HSPA12B: variants seen among roughly 807,000 people sequenced by gnomAD.
HSPA12B encodes heat shock protein family A (Hsp70) member 12B, also known as heat shock 70 kDa protein 12B.
HSPA12B carries 54 observed loss-of-function variants against 69.3 expected under a neutral mutation model. The ratio of observed to expected loss-of-function variants is 0.78; its 90% CI spans 0.63 to 0.98. The LOEUF is 0.98. Among genes scored for constraint, HSPA12B ranks in the 50% least tolerant of loss-of-function variants. HSPA12B has a pLI of 0.00. For synonymous variants in HSPA12B, 441 were observed against 436.5 expected (o/e 1.01, Z -0.13); for missense variants, 929 against 999.8 (o/e 0.93, Z 0.96).
rs1035253073 is a variant in HSPA12B at position 3,732,796 on chromosome 20, T to A, written c.-18+2T>A. 6.7e-6 allele frequency: 1 copy of A among 149,024 alleles called. No individual in the cohort carries two copies. The highest frequency in any genetic ancestry group is 2.5e-5 in the African/African-American group (1 of 40,312). 9.2% of individuals were successfully genotyped at this position (149,024 alleles called of 1,614,324 possible). ...GCTGGAGCTGTCGGGAGGGCGGAGG[T>A]GAGTTCTGGGGCGGGGGCTGCCGGG... On this transcript the variant is annotated splice_donor_variant, in intron 1 of 12. Transcript: ENST00000254963. LOFTEE classifies it low-confidence loss of function (5UTR_SPLICE).
chr20:3,746,956 AT>A (rs1461434053), intron 7 of HSPA12B, among the ~76,000 whole-genome samples: 1 of 152,196 alleles, frequency 6.6e-6, no homozygotes, highest in Non-Finnish European at 1.5e-5. Context: ...CACCCAGAAC[AT>A]TCACTTCACT....
At position 3,750,652 on chromosome 20, in the gene HSPA12B, C is replaced by G; in HGVS notation, c.1302-152C>G. On this transcript the variant is annotated intron_variant, in intron 11 of 12. Coordinates refer to ENST00000254963, the MANE Select transcript of HSPA12B (RefSeq NM_052970.5). ...TAGGGTGGAGATAAGGGACTAACAT[C>G]CCGCAGGTCCAGTCCTCCAGACACC... 13 of 1,522,118 alleles carry G rather than the reference C, an allele frequency of 8.5e-6. No homozygotes were observed. The South Asian group carries it at 1.5e-4, about 18-fold the overall frequency. The allele number at this position is 1,522,118 out of a possible 1,614,324, so 94.3% of individuals were successfully genotyped here. A position where few individuals can be genotyped will look rare whatever the true frequency, so the allele number is the denominator to read the frequency against.
At chr20:3,743,353 A>T (rs1396896913) in intron 4 of HSPA12B, among the ~76,000 whole-genome samples, 3 of 20,646 alleles carry the variant, frequency 1.5e-4, no homozygotes, top group African/African-American at 8.7e-4. Context: ...TGGCTAATTT[A>T]AAAAAAAAAA....
rs1404995502 is a variant in HSPA12B, at chr20:3,744,229, G to A, written c.267-673G>A. 6.6e-6 allele frequency among the ~76,000 whole-genome samples: 1 copy of A among 152,194 alleles called. No homozygotes were observed. The highest frequency in any genetic ancestry group is 2.4e-5 in the African/African-American group (1 of 41,448). On this transcript the variant is annotated intron_variant, in intron 4 of 12. Coordinates refer to ENST00000254963, the MANE Select transcript of HSPA12B (RefSeq NM_052970.5). The surrounding 1 kb of genome is among the most constrained non-coding windows in gnomAD (Gnocchi z 4.9). ...ACTGCTCCCAAAATACATGGGACTT[G>A]AGCTTCATGAGACTGGACTGTCCTT...
rs920919237 is a variant in HSPA12B, at chr20:3,749,390, ATGTT to A, written c.937+75_937+78del. On this transcript the variant is annotated intron_variant, in intron 9 of 12. Coordinates refer to ENST00000254963, the MANE Select transcript of HSPA12B (RefSeq NM_052970.5). The surrounding 1 kb of genome is among the most constrained non-coding windows in gnomAD (Gnocchi z 5.5). ...ACCATATACTGATGGGGGGAAGGGCATGTTTGCAAAGCCCGTCTCTTCCTCCTCC... is the reference window on the plus strand; with the variant it reads ...ACCATATACTGATGGGGGGAAGGGCATGCAAAGCCCGTCTCTTCCTCCTCC... The A allele has an allele frequency of 6.7e-6, 9 of 1,351,108 alleles. No homozygotes were observed. In the African/African-American group the frequency reaches 8.6e-5, roughly 13 times the overall value. 83.7% of individuals were successfully genotyped at this position (1,351,108 alleles called of 1,614,324 possible).
chr20:3,735,610 C>A (rs1190950243), intron 1 of HSPA12B, among the ~76,000 whole-genome samples: 1 of 151,930 alleles, frequency 6.6e-6, no homozygotes, highest in Non-Finnish European at 1.5e-5. Context: ...GAATTACAGG[C>A]GTCTGCCACT....
At chr20:3,738,491 A>G (rs2088142517) in intron 1 of HSPA12B, among the ~76,000 whole-genome samples, 167 bp from the exon 2 acceptor site, 2 of 152,240 alleles carry the variant, frequency 1.3e-5, no homozygotes, top group African/African-American at 4.8e-5. Flanking sequence ...AAACGTCTTT[A>G]TCTGTTGGAG....
At chr20:3,746,502 T>C (rs866798048) in intron 7 of HSPA12B, among the ~76,000 whole-genome samples, 25 of 151,688 alleles carry the variant, frequency 1.6e-4, no homozygotes, top group South Asian at 6.2e-4. Flanking sequence ...CGGGGTTTCA[T>C]CGTGTTAGCC....
At chr20:3,741,131 C>T (rs2088194455) in intron 3 of HSPA12B, among the ~76,000 whole-genome samples, 1 of 152,050 alleles carries the variant, frequency 6.6e-6, no homozygotes, top group South Asian at 2.1e-4. Flanking sequence ...GAAGGCGAGC[C>T]CCATGTAACT....
intron 11 of HSPA12B, chr20:3,750,509 C>A (rs796840038): frequency 3.9e-6 from 1 of 256,114 alleles, no homozygotes; most frequent in African/African-American, 2.3e-5. Context: ...TACACCCCCA[C>A]CCCGGGCCCT....
Position 3,745,524 on chromosome 20 carries a change from T to A in HSPA12B, c.485T>A (p.Val162Glu). ...DLTLKTQLEA[V>E]NGKTMPALEV... The stretch of plus-strand genomic sequence containing the variant: ...ACCTTGAAGACCCAGCTAGAGGCAG[T>A]AAATGGAAAGACGATGCCCGCCCTG... Residue 162 changes from valine to glutamate, a missense_variant, in exon 6 of 13, where the codon GTA (valine) becomes GAA (glutamate). Around this residue, in one of 3 missense-constraint regions of HSPA12B, gnomAD observed 477 missense variants for 535.2 expected, o/e 0.89. Coordinates refer to ENST00000254963, the MANE Select transcript of HSPA12B (RefSeq NM_052970.5). The surrounding 1 kb of genome is among the most constrained non-coding windows in gnomAD (Gnocchi z 5.6). 1 of 1,614,148 alleles carries A rather than the reference T, an allele frequency of 6.2e-7. No homozygotes were observed. The highest frequency in any genetic ancestry group is 8.5e-7 in the Non-Finnish European group (1 of 1,180,016).
intron 12 of HSPA12B, 22 bp downstream of exon 12, chr20:3,750,929 C>T (rs2146592503): frequency 6.3e-7 from 1 of 1,593,916 alleles, no homozygotes; most frequent in South Asian, 1.1e-5. Context: ...AGCTTGGTCC[C>T]CCACCCGCCC....
chr20:3,746,350 T>G (rs1314635980), intron 7 of HSPA12B, among the ~76,000 whole-genome samples: 1 of 121,884 alleles, frequency 8.2e-6, no homozygotes, highest in Admixed American at 1.1e-4. Context: ...TCGCCCAGGC[T>G]GGAGCGCAGT....
intron 1 of HSPA12B, among the ~76,000 whole-genome samples, 192 bp from the exon 2 acceptor site, chr20:3,738,466 C>G (rs1010069274): frequency 6.6e-6 from 1 of 152,136 alleles, no homozygotes; most frequent in Non-Finnish European, 1.5e-5. Flanking sequence ...AATGGTGTTG[C>G]GATGACATTG....
Position 3,750,790 on chromosome 20 carries a change from T to A in HSPA12B, c.1302-14T>A, listed in dbSNP as rs1372693754. ...CCCTGACCGATGGATATTTGCCCCT[T>A]TCACCACCAACAGCGTGAACTTCGT... On this transcript the variant is annotated splice_polypyrimidine_tract_variant and intron_variant, in intron 11 of 12. Coordinates refer to ENST00000254963, the MANE Select transcript of HSPA12B (RefSeq NM_052970.5). The A allele has an allele frequency of 6.2e-7, 1 of 1,613,566 alleles. No individual in the cohort carries two copies. Among genetic ancestry groups the A allele is most frequent in the African/African-American group, 1.3e-5 (1 of 74,934 alleles).
At position 3,740,968 on chromosome 20, in the gene HSPA12B, G is replaced by A. The variant is rs878941909; in HGVS notation, c.141+56G>A. The A allele has an allele frequency of 6.2e-6, 9 of 1,457,380 alleles. No individual in the cohort carries two copies. The highest frequency in any genetic ancestry group is 2.3e-5 in the East Asian group (1 of 43,544). 90.3% of individuals were successfully genotyped at this position (1,457,380 alleles called of 1,614,324 possible). On this transcript the variant is annotated intron_variant, in intron 3 of 12. Transcript: ENST00000254963. This position sits in a 1 kb window ranked among gnomAD's most constrained non-coding sequence, Gnocchi z 4.9. ...TGACCTGGCTGGTGTGGACAGGGTC[G>A]TGCGTGGCAAAGTCATGACAGGGCC...
intron 4 of HSPA12B, among the ~76,000 whole-genome samples, chr20:3,742,665 A>T (rs987720693): frequency 9.9e-5 from 15 of 151,972 alleles, no homozygotes; most frequent in Admixed American, 2.0e-4. Context: ...GATATAACAA[A>T]CATAACAATA....
intron 4 of HSPA12B, among the ~76,000 whole-genome samples, chr20:3,743,206 C>T (rs1259474068): frequency 8.0e-6 from 1 of 125,258 alleles, no homozygotes; most frequent in Non-Finnish European, 1.7e-5. Context: ...TTCTTTGAGA[C>T]AGGGTCTCGC....
chr20:3,751,385 G>A, intron 12 of HSPA12B, 126 bp from the exon 13 acceptor site: 1 of 1,341,906 alleles, frequency 7.5e-7, no homozygotes, highest in Non-Finnish European at 9.5e-7. Flanking sequence ...CTTTCTAGTC[G>A]CCAGGTAGGT....
Sources: gnomAD v4.1 joint callset for allele counts (sites outside exome capture counted in the v4.1 genomes callset) on GRCh38, gnomAD v4.1.1 for gene constraint, gnomAD v4.1.1 regional missense constraint, Gnocchi (gnomAD v3.1) non-coding constraint, MANE v1.5 for transcripts, NCBI Gene and HGNC (gene_info 2026-07-23, HGNC 2026-07-21) for gene names.